DLG2: variants seen among roughly 807,000 people sequenced by gnomAD.
The protein encoded by DLG2 is disks large homolog 2.
In DLG2, 45 loss-of-function variants were observed where a neutral mutation model predicts 132.5. The observed-to-expected ratio is 0.34, with a 90% confidence interval of 0.27 to 0.44. The LOEUF is 0.44. Ranked by LOEUF, DLG2 falls within the 20% of genes least tolerant of loss-of-function variation. The pLI is 1.00. For synonymous variants in DLG2, 424 were observed against 419.6 expected (o/e 1.01, Z -0.13); for missense variants, 1,045 against 1,196.9 (o/e 0.87, Z 1.87).
chr11:83,509,894 G>C (rs1337952448), intron 21 of DLG2, among the ~76,000 whole-genome samples: 1 of 152,130 alleles, frequency 6.6e-6, no homozygotes, highest in African/African-American at 2.4e-5. Flanking sequence ...TCTTGAGCGC[G>C]TAGTATGGAG....
chr11:84,671,041 A>T (rs2099705295), intron 6 of DLG2, among the ~76,000 whole-genome samples: 2 of 152,040 alleles, frequency 1.3e-5, no homozygotes, highest in African/African-American at 4.8e-5. Flanking sequence ...CAAGGGTTAC[A>T]TCCGGCAGCC....
In DLG2 at chr11:84,099,039, A is replaced by G; in HGVS notation, c.633T>C (p.Ser211=). ...FEEITLERGN[S]GLGFSIAGGT... is the part of the protein sequence containing the mutation. ...CCCCAGCAATACTGAATCCCAGGCCAGAATTCCCCTATAGAAACAAAAAGC... is the reference window on the plus strand; with the variant it reads ...CCCCAGCAATACTGAATCCCAGGCCGGAATTCCCCTATAGAAACAAAAAGC... Residue 211 remains serine, a synonymous_variant, in exon 10 of 28, where the codon TCT becomes TCC. Transcript: ENST00000376104. 6.2e-7 allele frequency: 1 copy of G among 1,613,154 alleles called. No individual in the cohort carries two copies.
chr11:84,337,885 A>T (rs2098494857), intron 7 of DLG2, among the ~76,000 whole-genome samples: 3 of 152,246 alleles, frequency 2.0e-5, no homozygotes, highest in African/African-American at 7.2e-5. Context: ...ATATCATTAT[A>T]GCACAGTGAC....
At chr11:84,135,295 T>C (rs2094560651) in intron 9 of DLG2, among the ~76,000 whole-genome samples, 1 of 152,112 alleles carries the variant, frequency 6.6e-6, no homozygotes, top group South Asian at 2.1e-4. Flanking sequence ...CACCCATAAA[T>C]GGCTACAAAA....
At chr11:85,583,128 G>GTA (rs1288807092) in intron 3 of DLG2, among the ~76,000 whole-genome samples, 51 of 27,414 alleles carry the variant, frequency 1.9e-3, no homozygotes, top group East Asian at 9.3e-3. Flanking sequence ...GTGTGTGTGT[G>GTA]TGTATATATA....
At chr11:83,831,512 G>T (rs774121854) in intron 17 of DLG2, among the ~76,000 whole-genome samples, 1 of 152,062 alleles carries the variant, frequency 6.6e-6, no homozygotes, top group African/African-American at 2.4e-5. Context: ...GGTAAACTGT[G>T]TGTGTGTGTG....
rs1191006822 is a variant in DLG2, at chr11:84,662,189, C to CTT, written c.358-127460_358-127459dup. 7.5e-4 allele frequency among the ~76,000 whole-genome samples: 91 copies of CTT among 120,652 alleles called. 1 individual carries two copies. Among genetic ancestry groups the CTT allele is most frequent in the Middle Eastern group, 4.3e-3 (1 of 230 alleles). 79.2% of individuals were successfully genotyped at this position (120,652 alleles called of 152,430 possible). A position where few individuals can be genotyped will look rare whatever the true frequency, so the allele number is the denominator to read the frequency against. On this transcript the variant is annotated intron_variant, in intron 6 of 27. Coordinates refer to ENST00000376104, the MANE Select transcript of DLG2 (RefSeq NM_001142699.3). ...ACTTAGAGTCAGTTTCTTTGTAAAT[C>CTT]TTTTTTTTTTTTTTTTTTTTGAGAT...
chr11:84,251,295 A>C lies in DLG2; in HGVS notation c.520-4T>G. The C allele has an allele frequency of 1.3e-6, 2 of 1,574,712 alleles. No individual in the cohort carries two copies. Among genetic ancestry groups the C allele is most frequent in the Non-Finnish European group, 1.7e-6 (2 of 1,164,590 alleles). ...CAATTATAGGAGCAGGACTGGCCTG[A>C]AAAAAGAAATAGAAAAAAAATTAAA... On this transcript the variant is annotated splice_region_variant and splice_polypyrimidine_tract_variant and intron_variant, in intron 7 of 27. Transcript: ENST00000376104.
intron 11 of DLG2, among the ~76,000 whole-genome samples, chr11:84,000,653 C>A (rs372954489): frequency 6.6e-6 from 1 of 151,968 alleles, no homozygotes; most frequent in Non-Finnish European, 1.5e-5. Context: ...CTCCACTAGA[C>A]TAAAATTGGT....
At chr11:85,580,535 T>G (rs552773717) in intron 3 of DLG2, among the ~76,000 whole-genome samples, 1 of 152,372 alleles carries the variant, frequency 6.6e-6, no homozygotes, top group African/African-American at 2.4e-5. Flanking sequence ...ATTTATTATG[T>G]GCTAGGCACA....
At chr11:84,841,351 T>A (rs931949791) in intron 6 of DLG2, among the ~76,000 whole-genome samples, 1 of 152,056 alleles carries the variant, frequency 6.6e-6, no homozygotes, top group Non-Finnish European at 1.5e-5. Flanking sequence ...CTGTTAGCTC[T>A]GTGTTTGAAG....
intron 18 of DLG2, among the ~76,000 whole-genome samples, chr11:83,654,331 A>G (rs2071625302): frequency 6.6e-6 from 1 of 152,090 alleles, no homozygotes; most frequent in South Asian, 2.1e-4. Flanking sequence ...CTGCTTTCCT[A>G]TTTTATCCCC....
intron 7 of DLG2, among the ~76,000 whole-genome samples, chr11:84,321,715 A>C (rs2098405741): frequency 6.6e-6 from 1 of 152,236 alleles, no homozygotes; most frequent in Non-Finnish European, 1.5e-5. Flanking sequence ...TAATCTAAAA[A>C]GAAGTGGGAT....
rs559031946 is a variant in DLG2, at chr11:85,444,045, T to C, written c.40+154612A>G. ...TCACCAATGGCAAAGTATGATTTTA[T>C]GTAGAACCAACTTTTCAAGAACATT... On this transcript the variant is annotated intron_variant, in intron 3 of 27. Transcript: ENST00000376104. Among the ~76,000 whole-genome samples the C allele has an allele frequency of 7.2e-5, 11 of 152,346 alleles. No individual in the cohort carries two copies. The South Asian group carries it at 8.3e-4, about 11-fold the overall frequency.
chr11:84,602,159 G>A (rs2099577744), intron 6 of DLG2, among the ~76,000 whole-genome samples: 1 of 151,970 alleles, frequency 6.6e-6, no homozygotes, highest in African/African-American at 2.4e-5. Flanking sequence ...GTGGCTAGCT[G>A]CTTATATTGT....
chr11:85,515,806 T>C (rs375588342), intron 3 of DLG2, among the ~76,000 whole-genome samples: 12 of 152,018 alleles, frequency 7.9e-5, no homozygotes, highest in Admixed American at 2.0e-4. Context: ...TAAATGGTTA[T>C]GAGAATACAG....
intron 6 of DLG2, among the ~76,000 whole-genome samples, chr11:84,999,795 A>G (rs1304573799): frequency 3.3e-5 from 5 of 152,144 alleles, no homozygotes; most frequent in Non-Finnish European, 7.4e-5. Flanking sequence ...TCTCATGTCT[A>G]TAAAAAGAAA....
intron 3 of DLG2, among the ~76,000 whole-genome samples, chr11:85,418,080 T>C (rs1257827346): frequency 6.6e-6 from 1 of 152,216 alleles, no homozygotes; most frequent in Non-Finnish European, 1.5e-5. Context: ...CATTTAGTGC[T>C]ATAAATTTCC....
intron 3 of DLG2, among the ~76,000 whole-genome samples, chr11:85,466,647 C>G (rs2092801043): frequency 6.6e-6 from 1 of 152,164 alleles, no homozygotes; most frequent in Admixed American, 6.5e-5. Context: ...TCTGAGGGCT[C>G]TGTCCTGTTC....
Sources: gnomAD v4.1 joint callset for allele counts (sites outside exome capture counted in the v4.1 genomes callset) on GRCh38, gnomAD v4.1.1 for gene constraint, MANE v1.5 for transcripts, NCBI Gene and HGNC (gene_info 2026-07-23, HGNC 2026-07-21) for gene names.